Variants in TRAPPC2 observed in about 807,000 individuals in gnomAD.
TRAPPC2 encodes trafficking protein particle complex subunit 2.
A neutral mutation model predicts 10.0 loss-of-function variants in TRAPPC2; 4 were observed. The observed-to-expected ratio is 0.40, with a 90% CI of 0.20 to 0.92. TRAPPC2 has a LOEUF of 0.92. Among genes scored for constraint, TRAPPC2 ranks in the 40% least tolerant of loss-of-function variants. The probability of loss-of-function intolerance (pLI) is 0.35; values close to 1 mark genes in which losing one functional copy is unlikely to be tolerated. For synonymous variants in TRAPPC2, 36 were observed against 37.3 expected (o/e 0.97, Z 0.12); for missense variants, 52 against 108.7 (o/e 0.48, Z 2.32).
intron 2 of TRAPPC2, among the ~76,000 whole-genome samples, chrX:13,723,680 C>G (rs182376440): frequency 9.0e-6 from 1 of 110,979 alleles, no homozygotes; most frequent in East Asian, 2.8e-4. Flanking sequence ...AGAGGCTTGG[C>G]CCAGAGGTGT....
chrX:13,715,956 G>A, intron 5 of TRAPPC2, 48 bp downstream of exon 5: 1 of 1,139,646 alleles, frequency 8.8e-7, no homozygotes. Context: ...CCTGACAAAG[G>A]TCGAATCCTT....
chrX:13,722,208 CAAAAAAAAAAAAAAAA>C (rs748574644), intron 2 of TRAPPC2: 1 of 36,116 alleles, frequency 2.8e-5, no homozygotes, highest in Non-Finnish European at 5.1e-5. Context: ...TAAGCAGCAG[CAAAAAAAAAAAAAAAA>C]AAAAAAAAAA....
Position 13,734,560 on chromosome X carries a change from A to G in TRAPPC2, c.-197T>C. On this transcript the variant is annotated 5_prime_UTR_variant, in exon 1 of 6. Transcript: ENST00000380579. ...AGGCCGACAACGGAAACGCAATGTC[A>G]GTTTCCGCGGAAGAGACCCGCGCCC... The G allele has an allele frequency of 2.3e-6, 1 of 430,292 alleles. No individual in the cohort carries two copies. Among genetic ancestry groups the G allele is most frequent in the Non-Finnish European group, 3.1e-6 (1 of 318,744 alleles). The allele number at this position is 430,292 out of a possible 1,213,427, so 35.5% of individuals were successfully genotyped here.
At chrX:13,717,501 G>C (rs1268672807) in intron 3 of TRAPPC2, among the ~76,000 whole-genome samples, 1 of 111,413 alleles carries the variant, frequency 9.0e-6, no homozygotes. Flanking sequence ...TAGCACTTTG[G>C]GAGGCTGAGG....
At chrX:13,731,372 C>T (rs2046673969) in intron 2 of TRAPPC2, among the ~76,000 whole-genome samples, 1 of 112,346 alleles carries the variant, frequency 8.9e-6, no homozygotes, top group African/African-American at 3.2e-5. Context: ...TATACATTAA[C>T]TCATTTAATG....
chrX:13,716,824 A>C (rs775046062), intron 3 of TRAPPC2, 146 bp from the exon 4 acceptor site: 20 of 556,320 alleles, frequency 3.6e-5, no homozygotes, highest in Non-Finnish European at 5.4e-5. Context: ...TGAGACTTAT[A>C]AAAGATCTGT....
In TRAPPC2 at chrX:13,714,257, A is replaced by G. The variant is rs984550398; in HGVS notation, c.*150T>C. ...TACGTGACATGAGACAGAATGTACT[A>G]TTTTTAAATATAAAAGGAATTTCAT... On this transcript the variant is annotated 3_prime_UTR_variant, in exon 6 of 6. Coordinates refer to ENST00000380579, the MANE Select transcript of TRAPPC2 (RefSeq NM_001011658.4). 14 of 343,119 alleles carry G rather than the reference A, an allele frequency of 4.1e-5. No individual in the cohort carries two copies. The highest frequency in any genetic ancestry group is 2.6e-4 in the African/African-American group (10 of 37,765). The allele number at this position is 343,119 out of a possible 1,213,427, so 28.3% of individuals were successfully genotyped here. A position where few individuals can be genotyped will look rare whatever the true frequency, so the allele number is the denominator to read the frequency against.
At chrX:13,715,244 G>A (rs1263682036) in intron 5 of TRAPPC2, among the ~76,000 whole-genome samples, 1 of 112,959 alleles carries the variant, frequency 8.9e-6, no homozygotes, top group Non-Finnish European at 1.9e-5. Flanking sequence ...AGGCCAAGGC[G>A]GGTGGATCAC....
At chrX:13,733,485 C>T (rs1415655849) in intron 2 of TRAPPC2, among the ~76,000 whole-genome samples, 1 of 112,012 alleles carries the variant, frequency 8.9e-6, no homozygotes, top group African/African-American at 3.3e-5. Flanking sequence ...TCCAACTAAG[C>T]CTCTCCTCCT....
intron 2 of TRAPPC2, chrX:13,720,573 G>A (rs2046386426): frequency 8.9e-6 from 1 of 112,464 alleles, no homozygotes; most frequent in Admixed American, 9.4e-5. Flanking sequence ...CTTGAAGTAT[G>A]TGTGCTATAA....
intron 2 of TRAPPC2, among the ~76,000 whole-genome samples, chrX:13,731,531 G>T (rs1326859949): frequency 1.8e-5 from 2 of 112,227 alleles, no homozygotes; most frequent in East Asian, 5.6e-4. Context: ...ATCTACCTAA[G>T]AACAAACTGG....
At chrX:13,719,391 C>CT (rs1367029017) in intron 3 of TRAPPC2, among the ~76,000 whole-genome samples, 1 of 111,182 alleles carries the variant, frequency 9.0e-6, no homozygotes. Flanking sequence ...CAAGGTGTCA[C>CT]TGGGGAGGGG....
chrX:13,733,308 T>C (rs2046720663), intron 2 of TRAPPC2, among the ~76,000 whole-genome samples: 1 of 111,876 alleles, frequency 8.9e-6, no homozygotes, highest in Non-Finnish European at 1.9e-5. Context: ...GCTCCACGTG[T>C]CTTTTCTCAG....
At chrX:13,729,918 A>T (rs758142784) in intron 2 of TRAPPC2, among the ~76,000 whole-genome samples, 1 of 111,548 alleles carries the variant, frequency 9.0e-6, no homozygotes, top group Non-Finnish European at 1.9e-5. Flanking sequence ...CAAAAAACAA[A>T]AAACAAACAA....
chrX:13,722,464 G>T (rs2046441999), intron 2 of TRAPPC2, among the ~76,000 whole-genome samples: 1 of 111,048 alleles, frequency 9.0e-6, no homozygotes, highest in Admixed American at 9.6e-5. Flanking sequence ...TTCCATGCTT[G>T]ACTTCAGCTG....
In TRAPPC2 at chrX:13,715,985, AT is replaced by A; in HGVS notation, c.324+18del. On this transcript the variant is annotated intron_variant, in intron 5 of 5. Transcript: ENST00000380579. ...AATCCTTTCTCATCAGAATTTAAAA[AT>A]TATAGAACATACCATACCTTTATAT... The A allele has an allele frequency of 8.5e-7, 1 of 1,170,208 alleles. No homozygotes were observed. The highest frequency in any genetic ancestry group is 1.1e-6 in the Non-Finnish European group (1 of 871,823).
At position 13,731,902 on chromosome X, in the gene TRAPPC2, A is replaced by C. The variant is rs1344763435; in HGVS notation, c.-20+2142T>G. The stretch of plus-strand genomic sequence containing the variant: ...TTAGAAGGCAGAAGTTAGGATTAAA[A>C]AAGATCTCCATGGCTAGGAGAGTAA... On this transcript the variant is annotated intron_variant, in intron 2 of 5. Coordinates refer to ENST00000380579, the MANE Select transcript of TRAPPC2 (RefSeq NM_001011658.4). 2.7e-5 allele frequency among the ~76,000 whole-genome samples: 3 copies of C among 112,231 alleles called. No homozygotes were observed. The East Asian group carries it at 8.3e-4, about 31-fold the overall frequency.
Position 13,734,605 on chromosome X carries a change from C to A in TRAPPC2, c.-242G>T. The A allele has an allele frequency of 1.3e-6, 1 of 749,106 alleles. No homozygotes were observed. Among genetic ancestry groups the A allele is most frequent in the Non-Finnish European group, 1.7e-6 (1 of 604,798 alleles). 61.7% of individuals were successfully genotyped at this position (749,106 alleles called of 1,213,427 possible). A position where few individuals can be genotyped will look rare whatever the true frequency, so the allele number is the denominator to read the frequency against. The stretch of plus-strand genomic sequence containing the variant: ...GCGCCCCGAACCTGTAGCCAGAACG[C>A]CGAAGCAGTTCTCGCGATACCCTGG... On this transcript the variant is annotated 5_prime_UTR_variant, in exon 1 of 6. Transcript: ENST00000380579.
chrX:13,733,916 T>C (rs994743967), intron 2 of TRAPPC2, 128 bp downstream of exon 2: 10 of 463,104 alleles, frequency 2.2e-5, no homozygotes, highest in Non-Finnish European at 3.9e-5. Context: ...CTTTAAACTC[T>C]TTATCCAGTC....
Sources: allele counts gnomAD v4.1 joint callset (sites outside exome capture counted in the v4.1 genomes callset), GRCh38; gene constraint gnomAD v4.1.1; transcripts MANE v1.5; gene names NCBI Gene and HGNC (gene_info 2026-07-23, HGNC 2026-07-21).